The following DMXL2 variants were observed in gnomAD, a reference collection of about 807,000 sequenced individuals.
The protein encoded by DMXL2 is dmX-like protein 2.
In DMXL2, 103 loss-of-function variants were observed where a neutral mutation model predicts 331.1. The observed-to-expected ratio is 0.31, with a 90% CI of 0.27 to 0.37. The LOEUF (loss-of-function observed/expected upper bound fraction) is 0.37. Among genes scored for constraint, DMXL2 ranks in the 10% least tolerant of loss-of-function variants. The pLI is 1.00. For missense variants in DMXL2, 3,171 were observed against 3,642.9 expected (o/e 0.87, Z 3.33); for synonymous variants, 1,281 against 1,252.1 (o/e 1.02, Z -0.49).
chr15:51,524,174 A>G (rs746038491), intron 13 of DMXL2, among the ~76,000 whole-genome samples: 9 of 152,242 alleles, frequency 5.9e-5, no homozygotes, highest in Non-Finnish European at 1.0e-4. Context: ...AATCAGTAAC[A>G]GGACGCTTGG....
At chr15:51,553,174 C>G (rs911877718) in intron 6 of DMXL2, among the ~76,000 whole-genome samples, 1 of 152,072 alleles carries the variant, frequency 6.6e-6, no homozygotes, top group Non-Finnish European at 1.5e-5. Context: ...TCTGTCTTTC[C>G]TCACCAGAAA....
chr15:51,469,211 T>C (rs2040871368), intron 29 of DMXL2, among the ~76,000 whole-genome samples: 1 of 151,474 alleles, frequency 6.6e-6, no homozygotes, highest in African/African-American at 2.4e-5. Flanking sequence ...TTTTCAAAAA[T>C]AAATAATGAA....
At chr15:51,591,674 C>G (rs1312043976) in intron 1 of DMXL2, among the ~76,000 whole-genome samples, 1 of 152,140 alleles carries the variant, frequency 6.6e-6, no homozygotes, top group African/African-American at 2.4e-5. Context: ...CTGGGAGGCA[C>G]CCCCCAGTAG....
chr15:51,456,217 G>T, intron 38 of DMXL2, 24 bp from the exon 39 acceptor site: 1 of 1,604,180 alleles, frequency 6.2e-7, no homozygotes, highest in Non-Finnish European at 8.5e-7. Flanking sequence ...GAAAAAGCAG[G>T]AAATAAGAAA....
At chr15:51,571,203 T>C (rs1269853721) in intron 2 of DMXL2, among the ~76,000 whole-genome samples, 3 of 152,126 alleles carry the variant, frequency 2.0e-5, no homozygotes, top group African/African-American at 7.2e-5. Context: ...CATTACATAA[T>C]GGTAAAGGGA....
At chr15:51,470,719 C>T (rs72729260) in intron 29 of DMXL2, among the ~76,000 whole-genome samples, 2,443 of 152,128 alleles carry the variant, frequency 0.016, 24 homozygotes, top group Non-Finnish European at 0.026. Context: ...TAGCATGCAC[C>T]CAGCATGGTA....
At chr15:51,453,703 AACAT>A (rs887238961) in intron 40 of DMXL2, 62 bp from the exon 41 acceptor site, 2 of 1,338,470 alleles carry the variant, frequency 1.5e-6, no homozygotes, top group Non-Finnish European at 2.1e-6. Context: ...ATACAGTACC[AACAT>A]ACATGTCTGC....
rs200210916 is a variant in DMXL2, at chr15:51,479,939, T to G, written c.6756+9A>C. ...GTATAATATCAAATGATCATAAACT[T>G]TACATTACCTTCACATCTTCAATAC... On this transcript the variant is annotated intron_variant, in intron 25 of 43. Transcript: ENST00000560891. The G allele has an allele frequency of 1.2e-4, 184 of 1,482,316 alleles. No individual in the cohort carries two copies. The highest frequency in any genetic ancestry group is 1.6e-4 in the Non-Finnish European group (171 of 1,102,752). 91.8% of individuals were successfully genotyped at this position (1,482,316 alleles called of 1,614,324 possible).
At chr15:51,599,900 T>C (rs1302759471) in intron 1 of DMXL2, among the ~76,000 whole-genome samples, 1 of 151,972 alleles carries the variant, frequency 6.6e-6, no homozygotes, top group African/African-American at 2.4e-5. Context: ...AGGGTTTCAC[T>C]GTGTTAGCCA....
At chr15:51,615,239 A>C (rs1232266319) in intron 1 of DMXL2, among the ~76,000 whole-genome samples, 1 of 152,246 alleles carries the variant, frequency 6.6e-6, no homozygotes, top group Non-Finnish European at 1.5e-5. Context: ...ATCTGGAATC[A>C]GGCTGAGAAG....
At position 51,450,174 on chromosome 15, in the gene DMXL2, G is replaced by C. The variant is rs751224567; in HGVS notation, c.8922C>G (p.Pro2974=). ...DSAIKALALD[P]YEEYFTTGSA... Reference sequence around the variant, plus strand: ...AACCTGTGGTAAAATATTCCTCATAGGGATCCAAGGCCAGAGCCTTAATAG... The same window carrying C: ...AACCTGTGGTAAAATATTCCTCATACGGATCCAAGGCCAGAGCCTTAATAG... Residue 2974 remains proline (P), a synonymous_variant, in exon 43 of 44, where the codon CCC becomes CCG. Transcript: ENST00000560891. 12 of 1,613,740 alleles carry C rather than the reference G, an allele frequency of 7.4e-6. No individual in the cohort carries two copies. In the South Asian group the frequency reaches 1.3e-4, roughly 18 times the overall value.
intron 1 of DMXL2, among the ~76,000 whole-genome samples, chr15:51,591,310 T>G (rs1160293013): frequency 6.6e-6 from 1 of 152,228 alleles, no homozygotes; most frequent in African/African-American, 2.4e-5. Context: ...CGGAGGGTCC[T>G]ACGCCCACAG....
rs767753740 is a variant in DMXL2 at position 51,547,252 on chromosome 15, T to G, written c.724A>C (p.Lys242Gln). ...PRAVTGFSWR[K>Q]TSKYMPRGSV... The stretch of plus-strand genomic sequence containing the variant: ...AACCTGGGCATATACTTGCTAGTTT[T>G]GCGCCACGAAAAACCTGTCACAGCT... Residue 242 changes from lysine to glutamine, a missense_variant, in exon 7 of 44, where the codon AAA becomes CAA. Coordinates refer to ENST00000560891, the MANE Select transcript of DMXL2 (RefSeq NM_001378457.1). The G allele has an allele frequency of 3.1e-6, 5 of 1,611,378 alleles. No individual in the cohort carries two copies. Among genetic ancestry groups the G allele is most frequent in the Non-Finnish European group, 4.2e-6 (5 of 1,178,814 alleles).
chr15:51,536,785 A>G lies in DMXL2; in HGVS notation c.1695T>C (p.Tyr565=). Residue 565 remains tyrosine (Y), a synonymous_variant, in exon 12 of 44, where the codon TAT becomes TAC. Coordinates refer to ENST00000560891, the MANE Select transcript of DMXL2 (RefSeq NM_001378457.1). ...ASSLSKNIMM[Y]ACINATKDSH... is the part of the protein sequence containing the mutation. The stretch of plus-strand genomic sequence containing the variant: ...AATCTTTTGTCGCATTTATACAGGC[A>G]TACATCATGATATTTTTACTAAGAG... 2 of 1,614,028 alleles carry G rather than the reference A, an allele frequency of 1.2e-6. No individual in the cohort carries two copies. Among genetic ancestry groups the G allele is most frequent in the Non-Finnish European group, 1.7e-6 (2 of 1,179,962 alleles).
chr15:51,551,971 A>G (rs978120517), intron 6 of DMXL2, among the ~76,000 whole-genome samples: 1 of 152,228 alleles, frequency 6.6e-6, no homozygotes, highest in Non-Finnish European at 1.5e-5. Context: ...AGCAAGTGGT[A>G]TTTAAACTGA....
chr15:51,528,794 A>G (rs1314247006), intron 13 of DMXL2, among the ~76,000 whole-genome samples: 4 of 151,572 alleles, frequency 2.6e-5, no homozygotes, highest in African/African-American at 9.7e-5. Context: ...TTCATCCAAC[A>G]GCTACAGAAT....
Position 51,622,307 on chromosome 15 carries a change from G to A in DMXL2, c.87+152C>T, listed in dbSNP as rs1056921566. ...GGACCCACGGTCCCACGGGTCCCAG[G>A]GGGAACTAAACCCCAAGGCTGCAAA... On this transcript the variant is annotated intron_variant, in intron 1 of 43. Transcript: ENST00000560891. The A allele has an allele frequency of 5.4e-5, 53 of 979,768 alleles. 1 individual carries two copies. The highest frequency in any genetic ancestry group is 3.2e-4 in the Middle Eastern group (1 of 3,124). The allele number at this position is 979,768 out of a possible 1,614,324, so 60.7% of individuals were successfully genotyped here.
intron 1 of DMXL2, among the ~76,000 whole-genome samples, chr15:51,597,663 G>A (rs557567005): frequency 6.6e-6 from 1 of 152,282 alleles, no homozygotes; most frequent in South Asian, 2.1e-4. Flanking sequence ...CACAAAAGAG[G>A]AACTGATGGA....
At chr15:51,531,676 A>G (rs937658607) in intron 13 of DMXL2, among the ~76,000 whole-genome samples, 1 of 152,226 alleles carries the variant, frequency 6.6e-6, no homozygotes, top group African/African-American at 2.4e-5. Context: ...ACTCTACAGG[A>G]AAAAATCTAG....
Sources: allele counts gnomAD v4.1 joint callset (sites outside exome capture counted in the v4.1 genomes callset), GRCh38; gene constraint gnomAD v4.1.1; transcripts MANE v1.5; gene names NCBI Gene and HGNC (gene_info 2026-07-23, HGNC 2026-07-21).